ASCC3: variants seen among roughly 807,000 people sequenced by gnomAD.
The protein encoded by ASCC3 is ASC-1 complex subunit P200.
Under a neutral mutation model 256.3 loss-of-function variants are expected in ASCC3, and 158 were observed. The ratio of observed to expected loss-of-function variants is 0.62; its 90% CI spans 0.54 to 0.70. ASCC3 has a LOEUF of 0.70. Among genes scored for constraint, ASCC3 ranks in the 30% least tolerant of loss-of-function variants. ASCC3 has a pLI of 0.00. For synonymous variants in ASCC3, 948 were observed against 883.4 expected, an observed-to-expected ratio of 1.07 and a Z score of -1.30; for missense variants, 2,259 against 2,626.0, an observed-to-expected ratio of 0.86 and a Z score of 3.05.
chr6:100,764,495 G>A (rs963005630), intron 10 of ASCC3, among the ~76,000 whole-genome samples: 1 of 152,176 alleles, frequency 6.6e-6, no homozygotes, highest in African/African-American at 2.4e-5. Context: ...GCATCTGGGA[G>A]ATAAGGTTGA....
chr6:100,615,766 C>A (rs1205819702), intron 30 of ASCC3, among the ~76,000 whole-genome samples: 1 of 152,160 alleles, frequency 6.6e-6, no homozygotes, highest in African/African-American at 2.4e-5. Context: ...TACTGAATAG[C>A]TGCTCTAAAT....
intron 37 of ASCC3, among the ~76,000 whole-genome samples, chr6:100,528,626 A>G (rs1774714653): frequency 6.6e-6 from 1 of 152,128 alleles, no homozygotes; most frequent in African/African-American, 2.4e-5. Flanking sequence ...TTCTTAATAA[A>G]CTTGCTTTCA....
chr6:100,784,448 C>A (rs770387644), intron 8 of ASCC3, among the ~76,000 whole-genome samples: 1 of 151,954 alleles, frequency 6.6e-6, no homozygotes, highest in Admixed American at 6.6e-5. Context: ...CACAAAGATG[C>A]TTGCTTTAAC....
chr6:100,870,088 A>G (rs1773661842), intron 1 of ASCC3, among the ~76,000 whole-genome samples: 1 of 152,184 alleles, frequency 6.6e-6, no homozygotes, highest in Non-Finnish European at 1.5e-5. Context: ...GGTCAAGCCA[A>G]TCTTCCCTCC....
At chr6:100,699,545 G>A (rs10457835) in intron 13 of ASCC3, among the ~76,000 whole-genome samples, 3,678 of 152,220 alleles carry the variant, frequency 0.024, 77 homozygotes, top group Non-Finnish European at 0.041. Flanking sequence ...GTAGAGTGAG[G>A]TGCTACTGAA....
At chr6:100,802,144 A>G (rs1769947334) in intron 5 of ASCC3, among the ~76,000 whole-genome samples, 1 of 151,874 alleles carries the variant, frequency 6.6e-6, no homozygotes, top group South Asian at 2.1e-4. Context: ...ATAACAGGCA[A>G]TTTCAAAAAA....
At chr6:100,744,835 C>T (rs1269929604) in intron 10 of ASCC3, among the ~76,000 whole-genome samples, 1 of 152,142 alleles carries the variant, frequency 6.6e-6, no homozygotes, top group Non-Finnish European at 1.5e-5. Context: ...AAGCTAGAAG[C>T]AGAGAATTCT....
At position 100,512,778 on chromosome 6, in the gene ASCC3, G is replaced by C; in HGVS notation, c.6216C>G (p.Ile2072Met). 2.5e-6 allele frequency: 4 copies of C among 1,614,098 alleles called. No individual in the cohort carries two copies. Among genetic ancestry groups the C allele is most frequent in the Non-Finnish European group, 3.4e-6 (4 of 1,180,006 alleles). The change falls in exon 40 of 42, where the codon ATC (isoleucine) becomes ATG (methionine). Residue 2072 changes from isoleucine to methionine, a missense_variant. Coordinates refer to ENST00000369162, the MANE Select transcript of ASCC3 (RefSeq NM_006828.4). ...CATACTCTTGGTCAGCATGCAATTT[G>C]ATCCATTTGTTGTCATCTCGTTTGT... is the stretch of plus-strand genomic sequence containing the variant. The part of the protein sequence containing the change: ...TADKRDDNKW[I>M]KLHADQEYVL...
chr6:100,777,346 G>A (rs532645676), intron 8 of ASCC3, among the ~76,000 whole-genome samples: 1 of 152,094 alleles, frequency 6.6e-6, no homozygotes, highest in South Asian at 2.1e-4. Context: ...ATTTATAGGT[G>A]GAATCATTCA....
At chr6:100,694,373 T>A (rs925821611) in intron 13 of ASCC3, among the ~76,000 whole-genome samples, 2 of 150,634 alleles carry the variant, frequency 1.3e-5, no homozygotes, top group Admixed American at 1.3e-4. Flanking sequence ...CTTGGGAGGC[T>A]GAGATGGGAA....
At chr6:100,574,498 C>G (rs1256476427) in intron 36 of ASCC3, among the ~76,000 whole-genome samples, 2 of 151,784 alleles carry the variant, frequency 1.3e-5, no homozygotes, top group African/African-American at 4.8e-5. Flanking sequence ...GGGCCATTTT[C>G]TATTTTAATG....
chr6:100,619,039 C>T (rs932182083), intron 30 of ASCC3, among the ~76,000 whole-genome samples: 2 of 152,096 alleles, frequency 1.3e-5, no homozygotes, highest in South Asian at 2.1e-4. Flanking sequence ...GGAGGCAATA[C>T]CTGGGAAAGG....
intron 4 of ASCC3, among the ~76,000 whole-genome samples, chr6:100,838,177 A>G (rs541582429): frequency 1.5e-4 from 23 of 152,184 alleles, no homozygotes; most frequent in African/African-American, 5.5e-4. Context: ...AATTTAGGAA[A>G]TGTCTTTCTT....
intron 10 of ASCC3, among the ~76,000 whole-genome samples, chr6:100,747,889 C>G (rs1337153955): frequency 6.6e-6 from 1 of 151,824 alleles, no homozygotes; most frequent in East Asian, 1.9e-4. Flanking sequence ...AACCAGTATA[C>G]CTGCATTAAA....
intron 4 of ASCC3, among the ~76,000 whole-genome samples, chr6:100,820,257 A>G (rs1770970560): frequency 6.6e-6 from 1 of 150,898 alleles, no homozygotes. Flanking sequence ...ACACAGCAAC[A>G]GTAATTAAAA....
At chr6:100,737,646 T>C (rs527868700) in intron 10 of ASCC3, among the ~76,000 whole-genome samples, 2 of 152,354 alleles carry the variant, frequency 1.3e-5, no homozygotes, top group Non-Finnish European at 2.9e-5. Context: ...GCATTTAGGT[T>C]GATTCCATAT....
At chr6:100,535,659 G>A (rs917598187) in intron 37 of ASCC3, among the ~76,000 whole-genome samples, 8 of 151,858 alleles carry the variant, frequency 5.3e-5, no homozygotes, top group Non-Finnish European at 8.8e-5. Context: ...AGTAGAGATG[G>A]GGTTTCACCA....
chr6:100,735,495 GAA>G (rs1780109678), intron 10 of ASCC3, among the ~76,000 whole-genome samples: 1 of 151,662 alleles, frequency 6.6e-6, no homozygotes, highest in African/African-American at 2.4e-5. Flanking sequence ...TCCCTTATGT[GAA>G]GAGTCCATTC....
At chr6:100,866,823 G>A (rs756366607) in intron 2 of ASCC3, among the ~76,000 whole-genome samples, 24 of 152,126 alleles carry the variant, frequency 1.6e-4, no homozygotes, top group Non-Finnish European at 2.6e-4. Flanking sequence ...AATCTTTGTT[G>A]TTTAAGCCAC....
Sources: gnomAD v4.1 joint callset for allele counts (sites outside exome capture counted in the v4.1 genomes callset) on GRCh38, gnomAD v4.1.1 for gene constraint, MANE v1.5 for transcripts, NCBI Gene and HGNC (gene_info 2026-07-23, HGNC 2026-07-21) for gene names.